Variants in NEB observed in about 807,000 individuals in gnomAD.
NEB encodes nemaline myopathy type 2.
NEB carries 512 observed loss-of-function variants against 952.2 expected under a neutral mutation model. The ratio of observed to expected loss-of-function variants is 0.54; its 90% CI spans 0.50 to 0.58. The LOEUF is 0.58. Ranked by LOEUF, NEB falls within the 20% of genes least tolerant of loss-of-function variation. NEB has a pLI of 0.00. For missense variants in NEB, 8,428 were observed against 9,231.1 expected (o/e 0.91, Z 3.56); for synonymous variants, 2,900 against 3,149.8 (o/e 0.92, Z 2.66).
chr2:151,573,893 C>A (rs1322727917), intron 107 of NEB, among the ~76,000 whole-genome samples: 1 of 151,958 alleles, frequency 6.6e-6, no homozygotes, highest in Admixed American at 6.6e-5. Context: ...TTTTTTAAGA[C>A]TTAAAATGAC....
intron 105 of NEB, among the ~76,000 whole-genome samples, chr2:151,578,452 G>A (rs916411708): frequency 9.9e-5 from 15 of 151,408 alleles, no homozygotes; most frequent in Non-Finnish European, 1.9e-4. Context: ...CTGAGGTCAG[G>A]GGTTTGAGAC....
At chr2:151,623,142 C>A (rs1334900763) in intron 71 of NEB, among the ~76,000 whole-genome samples, 1 of 152,186 alleles carries the variant, frequency 6.6e-6, no homozygotes, top group African/African-American at 2.4e-5. Flanking sequence ...GAAAGCAGCT[C>A]ATCTATATCC....
rs200113036 is a variant in NEB, at chr2:151,514,295, C to T, written c.23127+23G>A. 3.2e-4 allele frequency: 469 copies of T among 1,483,922 alleles called. 1 individual carries two copies. The South Asian group carries it at 5.0e-3, about 16-fold the overall frequency. 91.9% of individuals were successfully genotyped at this position (1,483,922 alleles called of 1,614,324 possible). A position where few individuals can be genotyped will look rare whatever the true frequency, so the allele number is the denominator to read the frequency against. ...GAAATGATGCTGTATGAATTACGTG[C>T]AGGCAGTCAGCTGTGGGCCTACCTC... On this transcript the variant is annotated intron_variant, in intron 159 of 181. Coordinates refer to ENST00000397345, the MANE Select transcript of NEB (RefSeq NM_001164508.2).
At chr2:151,530,635 C>T in intron 145 of NEB, 1 of 186,724 alleles carries the variant, frequency 5.4e-6, no homozygotes, top group Non-Finnish European at 1.1e-5. Flanking sequence ...CACGTGGAGA[C>T]CCATCTGGGG....
chr2:151,730,781 A>G (rs964174313), intron 3 of NEB, among the ~76,000 whole-genome samples: 1 of 152,116 alleles, frequency 6.6e-6, no homozygotes, highest in Non-Finnish European at 1.5e-5. Flanking sequence ...TTACTTAACC[A>G]TTGTCAGTAG....
chr2:151,675,938 T>C (rs1030599776), intron 34 of NEB, among the ~76,000 whole-genome samples: 7 of 152,194 alleles, frequency 4.6e-5, no homozygotes, highest in East Asian at 3.9e-4. Context: ...TTTAAAGAAT[T>C]ATATACACTT....
Position 151,540,468 on chromosome 2 carries a change from G to A in NEB, c.20788-20C>T, listed in dbSNP as rs370889078. 10 of 1,522,622 alleles carry A rather than the reference G, an allele frequency of 6.6e-6. No individual in the cohort carries two copies. The highest frequency in any genetic ancestry group is 1.2e-5 in the South Asian group (1 of 83,290). The allele number at this position is 1,522,622 out of a possible 1,614,324, so 94.3% of individuals were successfully genotyped here. On this transcript the variant is annotated intron_variant, in intron 137 of 181. Transcript: ENST00000397345. ...CTTTTTCTGAGAAATAAATGCAGAA[G>A]AGAGAGACAAGCTTAAGTGTCTTCC...
chr2:151,536,852 A>G (rs1326779077), intron 141 of NEB, among the ~76,000 whole-genome samples: 1 of 152,226 alleles, frequency 6.6e-6, no homozygotes, highest in East Asian at 1.9e-4. Context: ...CTTTAATAGG[A>G]GAAACCACCC....
At chr2:151,507,052 A>G (rs2069613320) in intron 162 of NEB, 39 bp from the exon 163 acceptor site, 2 of 1,252,282 alleles carry the variant, frequency 1.6e-6, no homozygotes, top group South Asian at 2.4e-5. Flanking sequence ...AGATTTCAAC[A>G]TTGCTTTGTT....
intron 9 of NEB, among the ~76,000 whole-genome samples, chr2:151,721,904 T>A (rs1473806416): frequency 1.3e-5 from 2 of 152,238 alleles, no homozygotes; most frequent in Non-Finnish European, 2.9e-5. Flanking sequence ...CTAACTTACC[T>A]GTGGAAGGAT....
intron 25 of NEB, 28 bp downstream of exon 25, chr2:151,688,264 C>T: frequency 1.3e-6 from 2 of 1,498,016 alleles, no homozygotes; most frequent in Non-Finnish European, 9.3e-7. Context: ...GTACACCAAA[C>T]ATAGGCTTCT....
intron 38 of NEB, among the ~76,000 whole-genome samples, chr2:151,669,884 A>T (rs1286931675): frequency 1.3e-5 from 2 of 152,212 alleles, no homozygotes; most frequent in African/African-American, 4.8e-5. Flanking sequence ...CACACGAGCC[A>T]TACAGAAGCT....
chr2:151,563,998 T>G, intron 117 of NEB, 68 bp from the exon 118 acceptor site: 1 of 1,181,772 alleles, frequency 8.5e-7, no homozygotes. Context: ...CTAAAACAAT[T>G]GGTCTAATTA....
chr2:151,627,157 G>A lies in NEB; in HGVS notation c.10192C>T (p.Pro3398Ser). 2 of 1,613,812 alleles carry A rather than the reference G, an allele frequency of 1.2e-6. No individual in the cohort carries two copies. The highest frequency in any genetic ancestry group is 1.7e-6 in the Non-Finnish European group (2 of 1,179,820). Residue 3398 changes from proline to serine, a missense_variant, in exon 70 of 182, where the codon CCC (proline) becomes TCC (serine). By Grantham distance (74) the Pro-to-Ser change is moderately conservative (BLOSUM62 -1). Coordinates refer to ENST00000397345, the MANE Select transcript of NEB (RefSeq NM_001164508.2). ...TTGACCACATCCATAGACCCAATGGGGACCCAGCCAATGCCTCTCAGCCAC... is the reference window on the plus strand; with the variant it reads ...TTGACCACATCCATAGACCCAATGGAGACCCAGCCAATGCCTCTCAGCCAC... ...LQWLRGIGWV[P>S]IGSMDVVKCK... is the part of the protein sequence containing the mutation.
In NEB at chr2:151,643,291, G is replaced by T. The variant is rs755883171; in HGVS notation, c.8019C>A (p.Leu2673=). 5 of 1,613,810 alleles carry T rather than the reference G, an allele frequency of 3.1e-6. No individual in the cohort carries two copies. The highest frequency in any genetic ancestry group is 4.2e-6 in the Non-Finnish European group (5 of 1,179,846). ...KGIGWMTSGS[L]EDEKNKRATQ... Reference sequence around the variant, plus strand: ...TGGCTCGTTTATTTTTCTCATCCTCGAGAGAACCACTAGTCATCCAGCCAA... The same window carrying T: ...TGGCTCGTTTATTTTTCTCATCCTCTAGAGAACCACTAGTCATCCAGCCAA... Residue 2673 remains leucine (L), a synonymous_variant, in exon 58 of 182, where the codon CTC becomes CTA. Coordinates refer to ENST00000397345, the MANE Select transcript of NEB (RefSeq NM_001164508.2).
intron 64 of NEB, among the ~76,000 whole-genome samples, chr2:151,635,589 C>G (rs767302867): frequency 1.2e-4 from 18 of 151,680 alleles, no homozygotes; most frequent in Non-Finnish European, 1.5e-4. Flanking sequence ...GCCTGTAATC[C>G]CAGCTACTCG....
At position 151,640,616 on chromosome 2, in the gene NEB, G is replaced by A. The variant is rs770757112; in HGVS notation, c.8424C>T (p.Ala2808=). Residue 2808 remains alanine (A), a synonymous_variant, in exon 61 of 182, where the codon GCC becomes GCT. Coordinates refer to ENST00000397345, the MANE Select transcript of NEB (RefSeq NM_001164508.2). ...TCTTGGGGTCATCACGTATAGCTCGGGCACCAATGTGGTGGCCGAGCTGCT... is the reference window on the plus strand; with the variant it reads ...TCTTGGGGTCATCACGTATAGCTCGAGCACCAATGTGGTGGCCGAGCTGCT... ...YRKQLGHHIG[A]RAIRDDPKMM... is the part of the protein sequence containing the mutation. 3.7e-6 allele frequency: 6 copies of A among 1,613,778 alleles called. No homozygotes were observed. The South Asian group carries it at 6.6e-5, about 18-fold the overall frequency.
intron 28 of NEB, 71 bp downstream of exon 28, chr2:151,684,707 C>G (rs1459167267): frequency 2.2e-6 from 3 of 1,375,458 alleles, no homozygotes; most frequent in Non-Finnish European, 2.9e-6. Context: ...GCAAAAACCT[C>G]ACTCAACTTC....
chr2:151,630,953 G>A, intron 66 of NEB, 134 bp from the exon 67 acceptor site: 1 of 1,141,070 alleles, frequency 8.8e-7, no homozygotes, highest in Non-Finnish European at 1.2e-6. Flanking sequence ...TACTGGAAGT[G>A]TGAGTCTTAT....
Sources: allele counts gnomAD v4.1 joint callset (sites outside exome capture counted in the v4.1 genomes callset), GRCh38; gene constraint gnomAD v4.1.1; transcripts MANE v1.5; gene names NCBI Gene and HGNC (gene_info 2026-07-23, HGNC 2026-07-21).